Variants in FHIT observed in about 807,000 individuals in gnomAD.
FHIT encodes the protein bis(5'-adenosyl)-triphosphatase.
In FHIT, 19 loss-of-function variants were observed where a neutral mutation model predicts 17.9. That is an observed-to-expected ratio of 1.06 (90% CI 0.74 to 1.56). The LOEUF (loss-of-function observed/expected upper bound fraction) is 1.56, where lower values mean the gene tolerates loss of function less well. Among genes scored for constraint, FHIT ranks in the 40% most tolerant of loss-of-function variants. The probability of loss-of-function intolerance (pLI) is 0.00; values close to 1 mark genes in which losing one functional copy is unlikely to be tolerated. For synonymous variants in FHIT, 81 were observed against 69.7 expected (o/e 1.16, Z -0.81); for missense variants, 248 against 189.2 (o/e 1.31, Z -1.82).
At chr3:60,463,611 C>A (rs899846465) in intron 5 of FHIT, among the ~76,000 whole-genome samples, 1 of 152,150 alleles carries the variant, frequency 6.6e-6, no homozygotes, top group South Asian at 2.1e-4. Flanking sequence ...AGGAAGGGGA[C>A]GTGTAACATT....
At chr3:59,843,790 T>A (rs1198203620) in intron 8 of FHIT, among the ~76,000 whole-genome samples, 2 of 152,174 alleles carry the variant, frequency 1.3e-5, no homozygotes, top group African/African-American at 4.8e-5. Context: ...TTTGGTGGAA[T>A]CTTTAGGGTT....
At chr3:60,436,050 CTTTTCT>C (rs1246822617) in intron 5 of FHIT, among the ~76,000 whole-genome samples, 1 of 151,314 alleles carries the variant, frequency 6.6e-6, no homozygotes, top group Non-Finnish European at 1.5e-5. Flanking sequence ...TTTCTTTTTT[CTTTTCT>C]TTTTGAGATG....
intron 3 of FHIT, among the ~76,000 whole-genome samples, chr3:60,988,789 C>A (rs2029890782): frequency 6.6e-6 from 1 of 151,920 alleles, no homozygotes; most frequent in African/African-American, 2.4e-5. Context: ...TAGTTTTAAA[C>A]AACTTTCTAG....
chr3:60,532,857 T>C (rs1383878407), intron 5 of FHIT, among the ~76,000 whole-genome samples: 1 of 152,150 alleles, frequency 6.6e-6, no homozygotes, highest in Non-Finnish European at 1.5e-5. Flanking sequence ...GAAATAAGTG[T>C]TGGTGAGGGG....
chr3:60,533,699 G>A (rs899014721), intron 5 of FHIT, among the ~76,000 whole-genome samples: 1 of 152,160 alleles, frequency 6.6e-6, no homozygotes, highest in African/African-American at 2.4e-5. Flanking sequence ...AGGGGCAGGA[G>A]AAAGTATAGT....
Position 60,896,051 on chromosome 3 carries a change from T to A in FHIT, c.-110-74040A>T, listed in dbSNP as rs192320774. On this transcript the variant is annotated intron_variant, in intron 3 of 9. Coordinates refer to ENST00000492590, the MANE Select transcript of FHIT (RefSeq NM_002012.4). ...TGCCTGATCTCCGCCTCCTGTCAGG[T>A]CAGCTGCATTAGATTCTCATGGCAA... 3.3e-5 allele frequency among the ~76,000 whole-genome samples: 5 copies of A among 152,086 alleles called. No homozygotes were observed. In the East Asian group the frequency reaches 9.7e-4, roughly 29 times the overall value.
intron 1 of FHIT, among the ~76,000 whole-genome samples, chr3:61,217,271 G>A (rs1045494818): frequency 3.9e-5 from 6 of 152,162 alleles, no homozygotes; most frequent in East Asian, 1.9e-4. Context: ...TGAGGCTTCC[G>A]CTAGCAGACT....
intron 3 of FHIT, among the ~76,000 whole-genome samples, chr3:60,890,814 A>G (rs1236805935): frequency 1.3e-5 from 2 of 152,186 alleles, no homozygotes; most frequent in African/African-American, 4.8e-5. Context: ...GGAGTTAGTT[A>G]TGTCTTAGGC....
At chr3:60,714,514 T>C (rs529511430) in intron 4 of FHIT, among the ~76,000 whole-genome samples, 30 of 152,360 alleles carry the variant, frequency 2.0e-4, no homozygotes, top group African/African-American at 7.0e-4. Context: ...GCAGATGACA[T>C]GATTGTATAT....
At chr3:60,842,596 TGA>T (rs1702758832) in intron 3 of FHIT, among the ~76,000 whole-genome samples, 1 of 140,254 alleles carries the variant, frequency 7.1e-6, no homozygotes, top group Admixed American at 7.3e-5. Context: ...AGAAATTAAA[TGA>T]GTGTATATAT....
chr3:60,845,665 A>T (rs1382478788), intron 3 of FHIT, among the ~76,000 whole-genome samples: 1 of 152,174 alleles, frequency 6.6e-6, no homozygotes, highest in Non-Finnish European at 1.5e-5. Flanking sequence ...GATGCTGATT[A>T]TTTCATATGC....
intron 3 of FHIT, among the ~76,000 whole-genome samples, chr3:60,933,052 T>C (rs1415472345): frequency 3.9e-5 from 6 of 152,336 alleles, no homozygotes; most frequent in African/African-American, 1.4e-4. Context: ...GAGGACTTGA[T>C]TAATCAATGA....
chr3:60,692,872 A>G (rs914576213), intron 4 of FHIT, among the ~76,000 whole-genome samples: 1 of 152,198 alleles, frequency 6.6e-6, no homozygotes, highest in Admixed American at 6.5e-5. Context: ...ACTTACATGC[A>G]TAGTAATTCT....
chr3:59,925,936 G>A (rs1705639248), intron 7 of FHIT, among the ~76,000 whole-genome samples: 1 of 152,240 alleles, frequency 6.6e-6, no homozygotes, highest in South Asian at 2.1e-4. Flanking sequence ...TAGCAGAGAT[G>A]AGGATAATTT....
At chr3:59,832,219 T>TC (rs369286484) in intron 8 of FHIT, among the ~76,000 whole-genome samples, 27 of 152,244 alleles carry the variant, frequency 1.8e-4, no homozygotes, top group Non-Finnish European at 3.4e-4. Context: ...TTGAGTACTG[T>TC]CCCTCAGTTT....
intron 7 of FHIT, among the ~76,000 whole-genome samples, chr3:60,006,654 C>CAA (rs375320803): frequency 2.6e-4 from 35 of 134,786 alleles, no homozygotes; most frequent in South Asian, 1.9e-3. Context: ...TTTCCGCATT[C>CAA]AAAAAAAAAA....
intron 5 of FHIT, among the ~76,000 whole-genome samples, chr3:60,169,147 C>T (rs986259121): frequency 6.6e-6 from 1 of 152,108 alleles, no homozygotes; most frequent in Non-Finnish European, 1.5e-5. Context: ...TTGTGTGTGC[C>T]AAAATAATGA....
chr3:59,953,447 G>A (rs886944335), intron 7 of FHIT, among the ~76,000 whole-genome samples: 13 of 152,058 alleles, frequency 8.5e-5, no homozygotes, highest in African/African-American at 2.2e-4. Flanking sequence ...TATGTTAGCC[G>A]CACATGATTC....
chr3:61,204,142 A>G (rs1281667561), intron 1 of FHIT, among the ~76,000 whole-genome samples: 1 of 152,228 alleles, frequency 6.6e-6, no homozygotes, highest in Non-Finnish European at 1.5e-5. Flanking sequence ...AAAGGCAAAA[A>G]TAAATACTGT....
Sources: allele counts gnomAD v4.1 joint callset (sites outside exome capture counted in the v4.1 genomes callset), GRCh38; gene constraint gnomAD v4.1.1; transcripts MANE v1.5; gene names NCBI Gene and HGNC (gene_info 2026-07-23, HGNC 2026-07-21).